The following PPP1R12B variants were observed in gnomAD, a reference collection of about 807,000 sequenced individuals.
PPP1R12B encodes the protein protein phosphatase 1 regulatory subunit 12B.
PPP1R12B carries 76 observed loss-of-function variants against 126.1 expected under a neutral mutation model. That is an observed-to-expected ratio of 0.60 (90% confidence interval 0.50 to 0.73). The LOEUF (loss-of-function observed/expected upper bound fraction) is 0.73. Ranked by LOEUF, PPP1R12B falls within the 30% of genes least tolerant of loss-of-function variation. The probability of loss-of-function intolerance (pLI) is 0.00; values close to 1 mark genes in which losing one functional copy is unlikely to be tolerated. For synonymous variants in PPP1R12B, 356 were observed against 434.7 expected (o/e 0.82, Z 2.25); for missense variants, 1,052 against 1,205.1 (o/e 0.87, Z 1.88).
At chr1:202,495,505 C>G in intron 16 of PPP1R12B, 23 bp downstream of exon 16, 1 of 1,606,884 alleles carries the variant, frequency 6.2e-7, no homozygotes, top group Non-Finnish European at 8.5e-7. Context: ...TCAAAAGACA[C>G]AGGCCCCTCC....
intron 6 of PPP1R12B, among the ~76,000 whole-genome samples, chr1:202,430,238 T>C (rs1670021333): frequency 6.6e-6 from 1 of 152,166 alleles, no homozygotes; most frequent in African/African-American, 2.4e-5. Context: ...TCTACACCAG[T>C]GGGAATAGTA....
intron 18 of PPP1R12B, among the ~76,000 whole-genome samples, chr1:202,551,705 C>T (rs1461674793): frequency 2.0e-5 from 3 of 152,152 alleles, no homozygotes; most frequent in African/African-American, 7.2e-5. Context: ...CTGAGCTAAT[C>T]ACATGAGCCT....
intron 1 of PPP1R12B, among the ~76,000 whole-genome samples, chr1:202,368,052 C>G (rs999257956): frequency 6.6e-6 from 1 of 152,038 alleles, no homozygotes; most frequent in Admixed American, 6.5e-5. Flanking sequence ...TCACTGCAAC[C>G]TCCGCCTCCC....
chr1:202,565,360 C>A lies in PPP1R12B; in HGVS notation c.2757+813C>A, dbSNP rs185222224. On this transcript the variant is annotated intron_variant, in intron 21 of 23. Coordinates refer to ENST00000608999, the MANE Select transcript of PPP1R12B (RefSeq NM_002481.4). The surrounding 1 kb of genome is among the most constrained non-coding windows in gnomAD (Gnocchi z 4.3). ...AAGCTGAACTGAAGTAAAAATGATTCTTTAGCAGGAAGGCTTGAAATGAAA... is the reference window on the plus strand; with the variant it reads ...AAGCTGAACTGAAGTAAAAATGATTATTTAGCAGGAAGGCTTGAAATGAAA... 6.6e-6 allele frequency among the ~76,000 whole-genome samples: 1 copy of A among 152,312 alleles called. No homozygotes were observed. Among genetic ancestry groups the A allele is most frequent in the Non-Finnish European group, 1.5e-5 (1 of 68,018 alleles).
chr1:202,411,705 T>C (rs1667418346), intron 1 of PPP1R12B, among the ~76,000 whole-genome samples: 1 of 152,122 alleles, frequency 6.6e-6, no homozygotes, highest in Non-Finnish European at 1.5e-5. Flanking sequence ...CAAAACCTTA[T>C]GAGGTAGGTG....
chr1:202,575,192 GTCT>G (rs1330412334), intron 23 of PPP1R12B: 6 of 1,565,400 alleles, frequency 3.8e-6, no homozygotes, highest in Admixed American at 1.8e-5. Context: ...GGCAGGTTCA[GTCT>G]TCTTGTTAGT....
intron 1 of PPP1R12B, among the ~76,000 whole-genome samples, chr1:202,384,764 T>G (rs934641675): frequency 6.6e-6 from 1 of 152,248 alleles, no homozygotes; most frequent in South Asian, 2.1e-4. Flanking sequence ...ATAGTGCTAC[T>G]GTGAGCATTC....
At chr1:202,470,728 T>C (rs566780163) in intron 13 of PPP1R12B, among the ~76,000 whole-genome samples, 3 of 151,974 alleles carry the variant, frequency 2.0e-5, no homozygotes, top group African/African-American at 4.8e-5. Flanking sequence ...ACCTCATCTC[T>C]ACAGAGAATT....
At chr1:202,350,830 AG>A (rs1655823372) in intron 1 of PPP1R12B, among the ~76,000 whole-genome samples, 1 of 152,074 alleles carries the variant, frequency 6.6e-6, no homozygotes, top group Admixed American at 6.5e-5. Flanking sequence ...CATGATGACC[AG>A]GCTGGTCTCA....
chr1:202,533,433 G>T (rs1317780289), intron 18 of PPP1R12B, among the ~76,000 whole-genome samples: 1 of 152,132 alleles, frequency 6.6e-6, no homozygotes, highest in Non-Finnish European at 1.5e-5. Context: ...TGGGACTACG[G>T]TGGGCACCAC....
In PPP1R12B at chr1:202,453,191, G is replaced by C. The variant is rs540579725; in HGVS notation, c.1850+4020G>C. Among the ~76,000 whole-genome samples, 24 of 152,080 alleles carry C rather than the reference G, an allele frequency of 1.6e-4. No individual in the cohort carries two copies. In the South Asian group the frequency reaches 4.8e-3, roughly 30 times the overall value. ...TTTTTTGAGGGTTTTTATCATGAAA[G>C]GATGTTGAATTTTATCAAATGCTAT... is the stretch of plus-strand genomic sequence containing the variant. On this transcript the variant is annotated intron_variant, in intron 13 of 23. Transcript: ENST00000608999.
intron 13 of PPP1R12B, among the ~76,000 whole-genome samples, chr1:202,450,096 T>A (rs944638689): frequency 2.0e-5 from 3 of 152,258 alleles, no homozygotes; most frequent in Non-Finnish European, 4.4e-5. Flanking sequence ...CAGAGAAGGA[T>A]CTTTTGTTTT....
At chr1:202,555,328 A>G (rs1203059638) in intron 18 of PPP1R12B, among the ~76,000 whole-genome samples, 2 of 98,420 alleles carry the variant, frequency 2.0e-5, no homozygotes, top group Non-Finnish European at 4.9e-5. Context: ...TTTTAATGAA[A>G]AAAAAAAAAA....
At chr1:202,566,533 A>G (rs939049269) in intron 21 of PPP1R12B, among the ~76,000 whole-genome samples, 38 of 152,236 alleles carry the variant, frequency 2.5e-4, no homozygotes, top group African/African-American at 9.2e-4. Context: ...AACATTAAAA[A>G]CAGAACAAAC....
At chr1:202,361,133 T>C (rs896726106) in intron 1 of PPP1R12B, among the ~76,000 whole-genome samples, 1 of 152,188 alleles carries the variant, frequency 6.6e-6, no homozygotes, top group African/African-American at 2.4e-5. Flanking sequence ...GACCTTGTGA[T>C]CCGCCCGCCT....
chr1:202,558,119 T>C (rs1687139200), intron 18 of PPP1R12B, among the ~76,000 whole-genome samples: 1 of 152,086 alleles, frequency 6.6e-6, no homozygotes, highest in Admixed American at 6.5e-5. Context: ...AATTGAATTT[T>C]TATTTGCCAG....
intron 18 of PPP1R12B, among the ~76,000 whole-genome samples, chr1:202,526,455 G>A (rs1204983165): frequency 6.6e-6 from 1 of 152,182 alleles, no homozygotes; most frequent in African/African-American, 2.4e-5. Context: ...GAGCATGGTT[G>A]TATGTTTTTT....
chr1:202,554,246 G>A (rs1360697737), intron 18 of PPP1R12B, among the ~76,000 whole-genome samples: 2 of 152,036 alleles, frequency 1.3e-5, no homozygotes, highest in African/African-American at 4.8e-5. Context: ...CAGAATTGGG[G>A]GAATTAAACA....
At chr1:202,542,639 G>A (rs1323853513) in intron 18 of PPP1R12B, among the ~76,000 whole-genome samples, 1 of 152,192 alleles carries the variant, frequency 6.6e-6, no homozygotes, top group East Asian at 1.9e-4. Context: ...TAGGCCAAGG[G>A]AGGGAATTGG....
Sources: gnomAD v4.1 joint callset for allele counts (sites outside exome capture counted in the v4.1 genomes callset) on GRCh38, gnomAD v4.1.1 for gene constraint, Gnocchi (gnomAD v3.1) non-coding constraint, MANE v1.5 for transcripts, NCBI Gene and HGNC (gene_info 2026-07-23, HGNC 2026-07-21) for gene names.